Variants in SAMD5 observed in about 807,000 individuals in gnomAD.
SAMD5 encodes the protein sterile alpha motif domain-containing protein 5.
In SAMD5, 13 loss-of-function variants were observed where a neutral mutation model predicts 11.3. The observed-to-expected ratio is 1.15, with a 90% CI of 0.75 to 1.83. The LOEUF (loss-of-function observed/expected upper bound fraction) is 1.83. Ranked by LOEUF, SAMD5 falls within the 40% of genes most tolerant of loss-of-function variation. The pLI, the probability that SAMD5 is intolerant of heterozygous loss-of-function variation, is 0.00. For synonymous variants in SAMD5, 129 were observed against 111.3 expected (o/e 1.16, Z -1.00); for missense variants, 255 against 239.1 (o/e 1.07, Z -0.44).
intron 1 of SAMD5, among the ~76,000 whole-genome samples, chr6:147,700,016 T>C (rs1791229521): frequency 6.6e-6 from 1 of 152,198 alleles, no homozygotes; most frequent in Non-Finnish European, 1.5e-5. Context: ...CAAATGCTGA[T>C]AGTGTGGTAA....
At chr6:147,924,838 G>A in the SAMD5 span, among the ~76,000 whole-genome samples, 2 of 151,384 alleles carry the variant, frequency 1.3e-5, no homozygotes, top group East Asian at 1.9e-4. Context: ...AGAAACTAGA[G>A]CTGGGGCAAA....
In SAMD5 at chr6:147,566,523, A is replaced by T. The variant is rs1789044115; in HGVS notation, c.*2067A>T. ...AATTTTTGAAAAATCTGTTATTTTC[A>T]CTGTGGGCCTTATGAGGCAATCTAC... On this transcript the variant is annotated 3_prime_UTR_variant, in exon 2 of 2. Coordinates refer to ENST00000367474, the MANE Select transcript of SAMD5 (RefSeq NM_001030060.3). 6 of 985,510 alleles carry T rather than the reference A, an allele frequency of 6.1e-6. No homozygotes were observed. The highest frequency in any genetic ancestry group is 7.2e-6 in the Non-Finnish European group (6 of 829,758). 61.0% of individuals were successfully genotyped at this position (985,510 alleles called of 1,614,324 possible).
the SAMD5 span, among the ~76,000 whole-genome samples, chr6:147,784,331 C>T: frequency 6.6e-6 from 1 of 152,080 alleles, no homozygotes; most frequent in African/African-American, 2.4e-5. Context: ...CTTTACCATT[C>T]TAAAAATATT....
chr6:147,702,111 AAAG>A (rs1184257070), intron 1 of SAMD5, among the ~76,000 whole-genome samples: 1 of 152,236 alleles, frequency 6.6e-6, no homozygotes, highest in African/African-American at 2.4e-5. Context: ...GCGGAAGACA[AAAG>A]AAGAGCAAAG....
At chr6:147,940,100 G>T in the SAMD5 span, among the ~76,000 whole-genome samples, 6 of 152,124 alleles carry the variant, frequency 3.9e-5, no homozygotes, top group Admixed American at 2.0e-4. Context: ...AGCTACGAAA[G>T]ATTTTCTGTG....
At chr6:147,544,605 A>G (rs1264539962) in intron 1 of SAMD5, among the ~76,000 whole-genome samples, 1 of 152,160 alleles carries the variant, frequency 6.6e-6, no homozygotes, top group Non-Finnish European at 1.5e-5. Flanking sequence ...AAGGAGATTC[A>G]TTTATGCTGA....
the SAMD5 span, among the ~76,000 whole-genome samples, chr6:147,748,787 AT>A: frequency 2.6e-5 from 4 of 152,236 alleles, no homozygotes; most frequent in African/African-American, 9.6e-5. Context: ...AAAAAAGCAA[AT>A]TCTGGAGTTA....
At chr6:147,788,382 G>C in the SAMD5 span, among the ~76,000 whole-genome samples, 6 of 152,190 alleles carry the variant, frequency 3.9e-5, no homozygotes, top group East Asian at 1.2e-3. Flanking sequence ...TCATATACAT[G>C]AACTTGAATA....
chr6:147,942,426 C>G, the SAMD5 span, among the ~76,000 whole-genome samples: 1 of 152,216 alleles, frequency 6.6e-6, no homozygotes, highest in Non-Finnish European at 1.5e-5. Context: ...TCCTATTCGA[C>G]TTGAACTTTA....
At chr6:147,856,360 T>C in the SAMD5 span, among the ~76,000 whole-genome samples, 1 of 152,164 alleles carries the variant, frequency 6.6e-6, no homozygotes, top group African/African-American at 2.4e-5. Context: ...ATATGTTCAT[T>C]ATCTTAATTG....
chr6:147,870,449 A>AGTGTGT, the SAMD5 span, among the ~76,000 whole-genome samples: 163 of 137,706 alleles, frequency 1.2e-3, no homozygotes, highest in African/African-American at 3.4e-3. Context: ...TGTGTGTGTG[A>AGTGTGT]GTGTGTGTGT....
At chr6:147,589,257 C>G (rs1379029571) in intron 1 of SAMD5, among the ~76,000 whole-genome samples, 1 of 152,150 alleles carries the variant, frequency 6.6e-6, no homozygotes, top group Non-Finnish European at 1.5e-5. Context: ...CCATGTCCTA[C>G]CTGGCATTAT....
the SAMD5 span, among the ~76,000 whole-genome samples, chr6:147,783,359 A>C: frequency 7.3e-6 from 1 of 137,704 alleles, no homozygotes; most frequent in South Asian, 2.2e-4. Context: ...CCTTTGTGAA[A>C]TTTTCAATGT....
At chr6:147,831,122 A>C in the SAMD5 span, among the ~76,000 whole-genome samples, 4 of 152,252 alleles carry the variant, frequency 2.6e-5, no homozygotes, top group Non-Finnish European at 5.9e-5. Context: ...ATCTGACTAC[A>C]TACCTGGTCT....
chr6:147,870,604 G>A, the SAMD5 span, among the ~76,000 whole-genome samples: 1 of 151,406 alleles, frequency 6.6e-6, no homozygotes, highest in Admixed American at 6.6e-5. Flanking sequence ...TCAATTTCCT[G>A]ACACACAAGG....
At chr6:147,598,967 G>A (rs1789576764) in intron 1 of SAMD5, among the ~76,000 whole-genome samples, 1 of 152,156 alleles carries the variant, frequency 6.6e-6, no homozygotes, top group Non-Finnish European at 1.5e-5. Context: ...TTCAAGGGAG[G>A]GCAGGAGAGT....
At chr6:147,520,999 C>T (rs909824325) in intron 1 of SAMD5, among the ~76,000 whole-genome samples, 2 of 152,018 alleles carry the variant, frequency 1.3e-5, no homozygotes, top group Non-Finnish European at 2.9e-5. Context: ...TACCCTTTAC[C>T]CAACATTTTC....
intron 1 of SAMD5, among the ~76,000 whole-genome samples, chr6:147,590,076 G>A (rs1789431409): frequency 6.6e-6 from 1 of 152,166 alleles, no homozygotes; most frequent in African/African-American, 2.4e-5. Context: ...CAAATAAGAT[G>A]CAAATATGAA....
the SAMD5 span, among the ~76,000 whole-genome samples, chr6:147,825,619 G>A: frequency 3.9e-5 from 6 of 152,056 alleles, no homozygotes; most frequent in Admixed American, 3.9e-4. Context: ...ATAATAATTG[G>A]TTCTATTACA....
Sources: allele counts gnomAD v4.1 joint callset (sites outside exome capture counted in the v4.1 genomes callset), GRCh38; gene constraint gnomAD v4.1.1; transcripts MANE v1.5; gene names NCBI Gene and HGNC (gene_info 2026-07-23, HGNC 2026-07-21).